Variants in TRIM37 observed in about 807,000 individuals in gnomAD.
The protein encoded by TRIM37 is tripartite motif containing 37.
TRIM37 carries 80 observed loss-of-function variants against 129.8 expected under a neutral mutation model. The observed-to-expected ratio is 0.62, with a 90% CI of 0.51 to 0.74. TRIM37 has a LOEUF of 0.74. Among genes scored for constraint, TRIM37 ranks in the 30% least tolerant of loss-of-function variants. The pLI is 0.00. For synonymous variants in TRIM37, 389 were observed against 387.1 expected, an observed-to-expected ratio of 1.00 and a Z score of -0.06; for missense variants, 1,054 against 1,176.5, an observed-to-expected ratio of 0.90 and a Z score of 1.52.
intron 6 of TRIM37, 141 bp from the exon 7 acceptor site, chr17:59,080,018 A>G: frequency 7.7e-6 from 7 of 913,530 alleles, no homozygotes; most frequent in Non-Finnish European, 9.8e-6. Flanking sequence ...ACTTGCTTAT[A>G]TTTCAAAATG....
intron 19 of TRIM37, among the ~76,000 whole-genome samples, chr17:59,021,510 A>G (rs2036602024): frequency 6.6e-6 from 1 of 152,216 alleles, no homozygotes; most frequent in Non-Finnish European, 1.5e-5. Flanking sequence ...CGTTATGTTA[A>G]GTGAAATACA....
chr17:59,076,214 C>G (rs1323969821), intron 7 of TRIM37, among the ~76,000 whole-genome samples: 1 of 152,062 alleles, frequency 6.6e-6, no homozygotes, highest in African/African-American at 2.4e-5. Context: ...CAGAGGTGAA[C>G]AGTCTCAAAA....
At chr17:59,098,983 CA>C (rs1050682728) in intron 2 of TRIM37, among the ~76,000 whole-genome samples, 5 of 152,022 alleles carry the variant, frequency 3.3e-5, no homozygotes, top group Non-Finnish European at 7.4e-5. Flanking sequence ...AAGAGATCGA[CA>C]CCATCCTGGC....
At position 58,998,514 on chromosome 17, in the gene TRIM37, C is replaced by G. The variant is rs753733313; in HGVS notation, c.*863G>C. ...GAAAGAAAACCTTATATCACAGTTT[C>G]ACGTTCATGTAAGCCACTGTGCAAC... On this transcript the variant is annotated 3_prime_UTR_variant, in exon 24 of 24. Coordinates refer to ENST00000262294, the MANE Select transcript of TRIM37 (RefSeq NM_015294.6). The G allele has an allele frequency of 8.6e-5, 85 of 985,236 alleles. No individual in the cohort carries two copies. Among genetic ancestry groups the G allele is most frequent in the Non-Finnish European group, 9.6e-5 (80 of 829,936 alleles). 61.0% of individuals were successfully genotyped at this position (985,236 alleles called of 1,614,324 possible).
In TRIM37 at chr17:59,093,838, T is replaced by G. The variant is rs564508562; in HGVS notation, c.124-2498A>C. On this transcript the variant is annotated intron_variant, in intron 2 of 23. Coordinates refer to ENST00000262294, the MANE Select transcript of TRIM37 (RefSeq NM_015294.6). ...ATTTCCTGCCTTTCCCAGGCTATAGTGAGTTTTACATTCTCTGAATATTTG... is the reference window on the plus strand; with the variant it reads ...ATTTCCTGCCTTTCCCAGGCTATAGGGAGTTTTACATTCTCTGAATATTTG... Among the ~76,000 whole-genome samples the G allele has an allele frequency of 8.5e-5, 13 of 152,304 alleles. 1 individual carries two copies. The East Asian group carries it at 2.5e-3, about 29-fold the overall frequency.
chr17:59,009,639 T>C (rs868074407), intron 22 of TRIM37, among the ~76,000 whole-genome samples: 13 of 152,010 alleles, frequency 8.6e-5, no homozygotes, highest in Non-Finnish European at 1.5e-4. Context: ...AAAGATGGGG[T>C]TTCACCATGT....
intron 17 of TRIM37, among the ~76,000 whole-genome samples, chr17:59,036,445 GGGGTGTGT>G (rs1481033878): frequency 1.4e-4 from 16 of 117,634 alleles, no homozygotes; most frequent in Non-Finnish European, 2.1e-4. Context: ...GTATTTGCTG[GGGGTGTGT>G]GTGTGTGTGT....
chr17:58,981,259 G>A (rs757374861), downstream of TRIM37: 3 of 476,812 alleles, frequency 6.3e-6, no homozygotes, highest in African/African-American at 2.0e-5. Context: ...CCTGTGATGT[G>A]TCTCGACACC....
intron 9 of TRIM37, among the ~76,000 whole-genome samples, chr17:59,068,657 A>C (rs1196964047): frequency 6.6e-6 from 1 of 152,248 alleles, no homozygotes; most frequent in Non-Finnish European, 1.5e-5. Context: ...TGAGATTTAA[A>C]CAAAAAAGTC....
intron 24 of TRIM37, among the ~76,000 whole-genome samples, chr17:58,991,017 A>T (rs907073827): frequency 1.4e-5 from 2 of 146,868 alleles, no homozygotes; most frequent in South Asian, 2.2e-4. Flanking sequence ...TACTAAAAAT[A>T]AAAAAAAATG....
intron 2 of TRIM37, 110 bp from the exon 3 acceptor site, chr17:59,091,450 A>T (rs1233970716): frequency 1.0e-5 from 2 of 190,632 alleles, no homozygotes; most frequent in Non-Finnish European, 2.2e-5. Context: ...TAATATATAT[A>T]ATATATAAAT....
rs992348444 is a variant in TRIM37 at position 58,999,415 on chromosome 17, C to A, written c.2857G>T (p.Asp953Tyr). 6.2e-7 allele frequency: 1 copy of A among 1,613,696 alleles called. No individual in the cohort carries two copies. The highest frequency in any genetic ancestry group is 1.3e-5 in the African/African-American group (1 of 74,898). Residue 953 changes from aspartate (D) to tyrosine (Y), a missense_variant, in exon 24 of 24, where the codon GAT (aspartate) becomes TAT (tyrosine). Physicochemically the swap from Asp to Tyr is radical, Grantham distance 160. Coordinates refer to ENST00000262294, the MANE Select transcript of TRIM37 (RefSeq NM_015294.6). ...FPDGEQIGPEDLSFNTDENSG... is the reference protein window; with the variant it reads ...FPDGEQIGPEYLSFNTDENSG... ...TTTTCATCTGTATTGAAGCTGAGAT[C>A]TTCAGGGCCTATTTGTTCACCATCA...
intron 2 of TRIM37, among the ~76,000 whole-genome samples, chr17:59,097,040 G>A (rs953444189): frequency 2.0e-5 from 3 of 152,142 alleles, no homozygotes; most frequent in African/African-American, 4.8e-5. Context: ...CTCAATTGAT[G>A]CAGAAAAGGC....
intron 19 of TRIM37, among the ~76,000 whole-genome samples, chr17:59,026,326 G>A (rs1047269632): frequency 2.6e-5 from 4 of 152,118 alleles, no homozygotes; most frequent in Admixed American, 2.0e-4. Flanking sequence ...AAGAAAACAG[G>A]AGAAAGCTTC....
At chr17:59,017,200 TG>T (rs1210727222) in intron 20 of TRIM37, 95 bp downstream of exon 20, 1 of 1,467,428 alleles carries the variant, frequency 6.8e-7, no homozygotes, top group African/African-American at 1.4e-5. Context: ...TTAGCATTTT[TG>T]GTGCCCTTCA....
In TRIM37 at chr17:59,047,967, T is replaced by C. The variant is rs530495353; in HGVS notation, c.1531-148A>G. The C allele has an allele frequency of 4.8e-5, 43 of 887,764 alleles. No individual in the cohort carries two copies. The South Asian group carries it at 5.5e-4, about 11-fold the overall frequency. 55.0% of individuals were successfully genotyped at this position (887,764 alleles called of 1,614,324 possible). A position where few individuals can be genotyped will look rare whatever the true frequency, so the allele number is the denominator to read the frequency against. ...CCTGTGCCTCAGCTGCTGAGCCCTG[T>C]AGAGAAAAATCACACAACCACACTG... On this transcript the variant is annotated intron_variant, in intron 15 of 23. Transcript: ENST00000262294.
intron 7 of TRIM37, 56 bp from the exon 8 acceptor site, chr17:59,075,770 A>C (rs1392239977): frequency 1.5e-6 from 2 of 1,304,070 alleles, no homozygotes; most frequent in East Asian, 4.6e-5. Flanking sequence ...TTAAGAATGA[A>C]ATTAACTTCC....
intron 17 of TRIM37, among the ~76,000 whole-genome samples, chr17:59,037,946 A>C (rs903590613): frequency 2.6e-5 from 4 of 152,116 alleles, no homozygotes; most frequent in African/African-American, 9.7e-5. Context: ...TCCTCAATTA[A>C]GGGTATGATT....
the TRIM37 span, chr17:58,969,330 T>C: frequency 1.5e-6 from 1 of 665,796 alleles, no homozygotes; most frequent in South Asian, 1.6e-5. Flanking sequence ...CATGTTCCAG[T>C]GTTCTGGTGT....
Sources: allele counts gnomAD v4.1 joint callset (sites outside exome capture counted in the v4.1 genomes callset), GRCh38; gene constraint gnomAD v4.1.1; transcripts MANE v1.5; gene names NCBI Gene and HGNC (gene_info 2026-07-23, HGNC 2026-07-21).